AFF3: variants seen among roughly 807,000 people sequenced by gnomAD.
AFF3 encodes AF4/FMR2 family member 3.
AFF3 carries 32 observed loss-of-function variants against 129.7 expected under a neutral mutation model. The ratio of observed to expected loss-of-function variants is 0.25; its 90% CI spans 0.19 to 0.33. The LOEUF (loss-of-function observed/expected upper bound fraction) is 0.33, where lower values mean the gene tolerates loss of function less well. AFF3 is among the 10% of genes least tolerant of loss of function. AFF3 has a pLI of 1.00. For missense variants in AFF3, 1,373 were observed against 1,592.0 expected (o/e 0.86, Z 2.34); for synonymous variants, 644 against 635.4 (o/e 1.01, Z -0.20).
chr2:99,581,155 G>A (rs569799388), intron 17 of AFF3, among the ~76,000 whole-genome samples: 1 of 152,304 alleles, frequency 6.6e-6, no homozygotes, highest in African/African-American at 2.4e-5. Context: ...CACGTAATAA[G>A]TACTTACCGA....
At chr2:99,561,528 A>G (rs1675475355) in intron 20 of AFF3, among the ~76,000 whole-genome samples, 3 of 152,140 alleles carry the variant, frequency 2.0e-5, no homozygotes, top group African/African-American at 7.2e-5. Flanking sequence ...TGAGTATCAG[A>G]TGGTGGTATA....
At chr2:99,909,471 G>A (rs1170304822) in intron 7 of AFF3, among the ~76,000 whole-genome samples, 4 of 151,068 alleles carry the variant, frequency 2.6e-5, no homozygotes, top group Non-Finnish European at 4.4e-5. Context: ...GGGGGGAGAG[G>A]AGAGGGATAG....
intron 18 of AFF3, among the ~76,000 whole-genome samples, chr2:99,577,674 C>T (rs559258470): frequency 3.3e-4 from 51 of 152,322 alleles, no homozygotes; most frequent in African/African-American, 1.1e-3. Context: ...ATTTTCCCTA[C>T]GAGCCGAAAT....
intron 8 of AFF3, among the ~76,000 whole-genome samples, chr2:99,775,560 C>G (rs1450729232): frequency 6.6e-6 from 1 of 151,920 alleles, no homozygotes; most frequent in Non-Finnish European, 1.5e-5. Flanking sequence ...TGTCAGAGGG[C>G]AGGAGGAGGT....
At chr2:99,828,535 C>T (rs532090068) in intron 8 of AFF3, among the ~76,000 whole-genome samples, 29 of 152,274 alleles carry the variant, frequency 1.9e-4, no homozygotes, top group Middle Eastern at 3.4e-3. Flanking sequence ...GAACGTGTAG[C>T]GAGCTAGCAG....
At chr2:100,105,984 A>C (rs1291962810) in intron 2 of AFF3, 1 of 1,325,568 alleles carries the variant, frequency 7.5e-7, no homozygotes, top group Non-Finnish European at 1.0e-6. Context: ...CCCTGGGTGC[A>C]AGTGACGGGA....
intron 11 of AFF3, among the ~76,000 whole-genome samples, chr2:99,717,148 G>A (rs1678475683): frequency 1.3e-5 from 2 of 152,132 alleles, no homozygotes; most frequent in South Asian, 2.1e-4. Flanking sequence ...GATGGACATT[G>A]GGGTTCAGTT....
chr2:99,826,464 G>A (rs1688088222), intron 8 of AFF3, among the ~76,000 whole-genome samples: 1 of 152,248 alleles, frequency 6.6e-6, no homozygotes, highest in South Asian at 2.1e-4. Context: ...ACATGGAAGA[G>A]GAACCTCTAA....
intron 9 of AFF3, among the ~76,000 whole-genome samples, chr2:99,745,154 T>A (rs1681048641): frequency 6.6e-6 from 1 of 152,214 alleles, no homozygotes; most frequent in African/African-American, 2.4e-5. Context: ...TTTTCATGTG[T>A]TTGTTGGCCA....
intron 7 of AFF3, among the ~76,000 whole-genome samples, chr2:99,856,809 A>G (rs1483429283): frequency 6.6e-6 from 1 of 152,162 alleles, no homozygotes; most frequent in Non-Finnish European, 1.5e-5. Context: ...TAAATTATAT[A>G]TAAGTATGTT....
chr2:99,632,321 C>T (rs1041633187), intron 13 of AFF3, among the ~76,000 whole-genome samples: 4 of 152,076 alleles, frequency 2.6e-5, no homozygotes, highest in Non-Finnish European at 4.4e-5. Context: ...GGCCTCAACA[C>T]TTTTTAATTC....
intron 11 of AFF3, among the ~76,000 whole-genome samples, chr2:99,686,271 A>G (rs1675050390): frequency 6.6e-6 from 1 of 152,218 alleles, no homozygotes. Context: ...CCTGATCCAC[A>G]GTTTCAATTA....
intron 8 of AFF3, among the ~76,000 whole-genome samples, chr2:99,798,278 T>C (rs1685689672): frequency 6.6e-6 from 1 of 151,476 alleles, no homozygotes; most frequent in African/African-American, 2.4e-5. Flanking sequence ...ACAAATGAGA[T>C]TAAATGAAAA....
At chr2:99,904,989 C>T (rs949132656) in intron 7 of AFF3, among the ~76,000 whole-genome samples, 2 of 152,166 alleles carry the variant, frequency 1.3e-5, no homozygotes, top group African/African-American at 4.8e-5. Flanking sequence ...AATCTCCCCA[C>T]TGCTGCTCCC....
intron 4 of AFF3, among the ~76,000 whole-genome samples, chr2:100,027,521 T>A (rs1684143779): frequency 6.6e-6 from 1 of 152,160 alleles, no homozygotes; most frequent in African/African-American, 2.4e-5. Context: ...TTCCAGGAAG[T>A]CTGAATTCTA....
In AFF3 at chr2:99,821,710, G is replaced by A. The variant is rs149629282; in HGVS notation, c.921+15767C>T. Among the ~76,000 whole-genome samples the A allele has an allele frequency of 4.6e-3, 698 of 152,292 alleles. 5 individuals are homozygous for A. Among genetic ancestry groups the A allele is most frequent in the Non-Finnish European group, 8.1e-3 (550 of 68,026 alleles). ...GTGCTGGGCTTTTATCCGACTGGAAGCACAGTAGGTTTGCCGACACTAACA... is the reference window on the plus strand; with the variant it reads ...GTGCTGGGCTTTTATCCGACTGGAAACACAGTAGGTTTGCCGACACTAACA... On this transcript the variant is annotated intron_variant, in intron 8 of 24. Coordinates refer to ENST00000672756, the MANE Select transcript of AFF3 (RefSeq NM_001386135.1).
At chr2:99,757,688 A>C (rs1682235801) in intron 8 of AFF3, among the ~76,000 whole-genome samples, 1 of 152,166 alleles carries the variant, frequency 6.6e-6, no homozygotes, top group African/African-American at 2.4e-5. Flanking sequence ...TGTATATTCT[A>C]GCCAACTCCT....
intron 4 of AFF3, among the ~76,000 whole-genome samples, chr2:100,052,290 G>C (rs1215028962): frequency 6.6e-6 from 1 of 152,124 alleles, no homozygotes; most frequent in East Asian, 1.9e-4. Context: ...ATTTCTATTT[G>C]TGTTTCTGAA....
chr2:100,066,698 A>C (rs1237046720), intron 4 of AFF3, among the ~76,000 whole-genome samples: 1 of 152,168 alleles, frequency 6.6e-6, no homozygotes, highest in African/African-American at 2.4e-5. Context: ...AGTGCATCAG[A>C]ACACAGTAGT....
Sources: allele counts gnomAD v4.1 joint callset (sites outside exome capture counted in the v4.1 genomes callset), GRCh38; gene constraint gnomAD v4.1.1; transcripts MANE v1.5; gene names NCBI Gene and HGNC (gene_info 2026-07-23, HGNC 2026-07-21).